The following FAM78A variants were observed in gnomAD, a reference collection of about 807,000 sequenced individuals.
FAM78A encodes protein FAM78A.
In FAM78A, 12 loss-of-function variants were observed where a neutral mutation model predicts 22.6. The ratio of observed to expected loss-of-function variants is 0.53; its 90% CI spans 0.34 to 0.86. FAM78A has a LOEUF of 0.86. FAM78A is among the 40% of genes least tolerant of loss of function. FAM78A has a pLI of 0.02. For missense variants in FAM78A, 322 were observed against 396.1 expected (o/e 0.81, Z 1.59); for synonymous variants, 151 against 155.8 (o/e 0.97, Z 0.23).
Position 131,261,169 on chromosome 9 carries a change from C to A in FAM78A, c.505G>T (p.Ala169Ser), listed in dbSNP as rs1382376936. ...NDNFYPSVTWAVPVSESNVAK... is the reference protein window; with the variant it reads ...NDNFYPSVTWSVPVSESNVAK... ...ACGTTGCTCTCGCTGACGGGCACGG[C>A]CCATGTGACGCTGGGGTAAAAGTTG... is the stretch of plus-strand genomic sequence containing the variant. The change falls in exon 2 of 2, where the codon GCC becomes TCC. Residue 169 changes from alanine to serine, a missense_variant. Ala to Ser is a moderately conservative substitution (Grantham distance 99). Transcript: ENST00000372271. This position sits in a 1 kb window ranked among gnomAD's most constrained non-coding sequence, Gnocchi z 7.1. 8.1e-6 allele frequency: 13 copies of A among 1,613,912 alleles called. No homozygotes were observed. In the Admixed American group the frequency reaches 2.2e-4, roughly 27 times the overall value.
chr9:131,270,020 C>A (rs374250211), intron 1 of FAM78A, among the ~76,000 whole-genome samples: 1 of 144,264 alleles, frequency 6.9e-6, no homozygotes, highest in Admixed American at 7.0e-5. Context: ...CATGGTGAAA[C>A]CCCATCCCTA....
At position 131,270,193 on chromosome 9, in the gene FAM78A, T is replaced by C. The variant is rs915702548; in HGVS notation, c.323+5664A>G. 4.3e-6 allele frequency: 3 copies of C among 698,280 alleles called. No individual in the cohort carries two copies. In the African/African-American group the frequency reaches 5.3e-5, roughly 12 times the overall value. 43.3% of individuals were successfully genotyped at this position (698,280 alleles called of 1,614,324 possible). ...TGCACTCCAGCCTGGGTGACAAGAG[T>C]GAAACTGCATCTCAAAAACAAGTAC... On this transcript the variant is annotated intron_variant, in intron 1 of 1. Coordinates refer to ENST00000372271, the MANE Select transcript of FAM78A (RefSeq NM_033387.4).
In FAM78A at chr9:131,260,896, TGGCATTGGGCTTGACCAG is replaced by T; in HGVS notation, c.760_777del (p.Leu254_Ala259del). 6.4e-7 allele frequency: 1 copy of T among 1,556,388 alleles called. No individual in the cohort carries two copies. The highest frequency in any genetic ancestry group is 8.7e-7 in the Non-Finnish European group (1 of 1,148,458). Reference sequence around the variant, plus strand: ...CGCCACATGAGGACCTGGGCATCGTTGGCATTGGGCTTGACCAGGGCGCTGGGCGGGATGGGCTCATTC... The same window carrying T: ...CGCCACATGAGGACCTGGGCATCGTTGGCGCTGGGCGGGATGGGCTCATTC... On this transcript the variant is annotated inframe_deletion, in exon 2 of 2. Transcript: ENST00000372271. This position sits in a 1 kb window ranked among gnomAD's most constrained non-coding sequence, Gnocchi z 5.4.
At chr9:131,264,563 A>G (rs1188592655) in intron 1 of FAM78A, 2 of 716,402 alleles carry the variant, frequency 2.8e-6, no homozygotes, top group African/African-American at 3.5e-5. Flanking sequence ...TTTTGTGATG[A>G]TTAAATGTAC....
intron 1 of FAM78A, among the ~76,000 whole-genome samples, chr9:131,267,063 T>C (rs765411756): frequency 3.3e-5 from 5 of 152,168 alleles, no homozygotes; most frequent in Non-Finnish European, 5.9e-5. Flanking sequence ...GGGCCGGGGC[T>C]GTGGGGAGCA....
In FAM78A at chr9:131,260,915, G is replaced by A; in HGVS notation, c.759C>T (p.Ala253=). The A allele has an allele frequency of 6.3e-7, 1 of 1,587,900 alleles. No homozygotes were observed. Among genetic ancestry groups the A allele is most frequent in the Non-Finnish European group, 8.6e-7 (1 of 1,163,712 alleles). The stretch of plus-strand genomic sequence containing the variant: ...CATCGTTGGCATTGGGCTTGACCAG[G>A]GCGCTGGGCGGGATGGGCTCATTCT... The part of the protein sequence containing the change: ...LSKNEPIPPS[A]LVKPNANDAQ... The change falls in exon 2 of 2, where the codon GCC becomes GCT. Residue 253 remains alanine (A), a synonymous_variant. Transcript: ENST00000372271. The surrounding 1 kb of genome is among the most constrained non-coding windows in gnomAD (Gnocchi z 5.4).
rs1835433795 is a variant in FAM78A, at chr9:131,272,621, G to C, written c.323+3236C>G. Among the ~76,000 whole-genome samples the C allele has an allele frequency of 6.6e-6, 1 of 152,204 alleles. No homozygotes were observed. The highest frequency in any genetic ancestry group is 1.5e-5 in the Non-Finnish European group (1 of 68,034). Reference sequence around the variant, plus strand: ...AAATGGAAGTCATCACAGGAGGCCTGGGGCAGGGGAGACAGGAAGGGGGTT... The same window carrying C: ...AAATGGAAGTCATCACAGGAGGCCTCGGGCAGGGGAGACAGGAAGGGGGTT... On this transcript the variant is annotated intron_variant, in intron 1 of 1. Transcript: ENST00000372271. The surrounding 1 kb of genome is among the most constrained non-coding windows in gnomAD (Gnocchi z 4.1).
Position 131,274,917 on chromosome 9 carries a change from G to A in FAM78A, c.323+940C>T, listed in dbSNP as rs888425195. On this transcript the variant is annotated intron_variant, in intron 1 of 1. Transcript: ENST00000372271. The surrounding 1 kb of genome is among the most constrained non-coding windows in gnomAD (Gnocchi z 4.2). ...ACGGGGCCGCATGGGTGGGCTGCCC[G>A]CCGGGGCCTGCCTAGCTCTCTCCAA... Among the ~76,000 whole-genome samples, 1 of 152,208 alleles carries A rather than the reference G, an allele frequency of 6.6e-6. No individual in the cohort carries two copies. Among genetic ancestry groups the A allele is most frequent in the Non-Finnish European group, 1.5e-5 (1 of 68,032 alleles).
chr9:131,270,349 T>G (rs2131187199), intron 1 of FAM78A: 1 of 717,544 alleles, frequency 1.4e-6, no homozygotes, highest in African/African-American at 1.7e-5. Context: ...CCCCAAACAC[T>G]GGGCACGACT....
chr9:131,273,202 A>T (rs1835440691), intron 1 of FAM78A, among the ~76,000 whole-genome samples: 1 of 152,198 alleles, frequency 6.6e-6, no homozygotes, highest in African/African-American at 2.4e-5. Flanking sequence ...CTCTCGCTGA[A>T]TCCTCACAGC....
chr9:131,268,707 C>G (rs1028537939), intron 1 of FAM78A, among the ~76,000 whole-genome samples: 1 of 151,654 alleles, frequency 6.6e-6, no homozygotes, highest in Non-Finnish European at 1.5e-5. Flanking sequence ...GAGACAGAGA[C>G]GGGTGAAACC....
rs557316357 is a variant in FAM78A, at chr9:131,261,986, G to T, written c.324-636C>A. 2.0e-3 allele frequency among the ~76,000 whole-genome samples: 302 copies of T among 151,856 alleles called. 2 individuals carry two copies. Among genetic ancestry groups the T allele is most frequent in the Middle Eastern group, 6.8e-3 (2 of 294 alleles). ...TCACACCTGTAATCCCAGCACTTTG[G>T]GAGGCTGAGGCAGGCTGATCACTTG... On this transcript the variant is annotated intron_variant, in intron 1 of 1. Transcript: ENST00000372271. This position sits in a 1 kb window ranked among gnomAD's most constrained non-coding sequence, Gnocchi z 7.1.
At chr9:131,263,966 A>G (rs1835308088) in intron 1 of FAM78A, 1 of 152,364 alleles carries the variant, frequency 6.6e-6, no homozygotes, top group African/African-American at 2.4e-5. Context: ...CAACAGGGTG[A>G]GCCTGCTCAT....
intron 1 of FAM78A, chr9:131,270,500 G>GAGGGCTGCAGAAATCCCTTGGCC: frequency 1.4e-6 from 1 of 716,038 alleles, no homozygotes; most frequent in Non-Finnish European, 2.6e-6. Context: ...GAAGGTGGAT[G>GAGGGCTGCAGAAATCCCTTGGCC]AGGGCTGCAG....
intron 1 of FAM78A, among the ~76,000 whole-genome samples, chr9:131,268,413 G>A (rs1295008263): frequency 6.6e-6 from 1 of 151,992 alleles, no homozygotes; most frequent in Non-Finnish European, 1.5e-5. Context: ...ACCAGCTGAG[G>A]GAGGGGCTGG....
chr9:131,280,269 C>T (rs919560623), upstream of FAM78A, among the ~76,000 whole-genome samples: 3 of 152,120 alleles, frequency 2.0e-5, no homozygotes, highest in Admixed American at 1.3e-4. Flanking sequence ...TTCCCCAGCT[C>T]GCGGCCCCTC....
chr9:131,263,802 TCA>T (rs1020996295), intron 1 of FAM78A: 2 of 152,558 alleles, frequency 1.3e-5, no homozygotes, highest in African/African-American at 2.4e-5. Context: ...AAAAGCTCAC[TCA>T]TTAGAGTAAC....
Position 131,259,061 on chromosome 9 carries a change from C to T in FAM78A, c.*1761G>A, listed in dbSNP as rs945033365. ...GGACTTTGGTTCCCACACCGTCCCA[C>T]GCTGTCACGGAGACTCTTACAAGTG... On this transcript the variant is annotated 3_prime_UTR_variant, in exon 2 of 2. Transcript: ENST00000372271. 1 of 152,694 alleles carries T rather than the reference C, an allele frequency of 6.5e-6. No homozygotes were observed. Among genetic ancestry groups the T allele is most frequent in the Non-Finnish European group, 1.5e-5 (1 of 68,052 alleles). The allele number at this position is 152,694 out of a possible 1,614,324, so 9.5% of individuals were successfully genotyped here. A position where few individuals can be genotyped will look rare whatever the true frequency, so the allele number is the denominator to read the frequency against.
At chr9:131,269,909 T>C (rs1835395360) in intron 1 of FAM78A, among the ~76,000 whole-genome samples, 1 of 151,784 alleles carries the variant, frequency 6.6e-6, no homozygotes, top group African/African-American at 2.4e-5. Flanking sequence ...GCTCTAAAAG[T>C]ACAGGCCGGG....
Sources: allele counts gnomAD v4.1 joint callset (sites outside exome capture counted in the v4.1 genomes callset), GRCh38; gene constraint gnomAD v4.1.1; non-coding constraint Gnocchi (gnomAD v3.1); transcripts MANE v1.5; gene names NCBI Gene and HGNC (gene_info 2026-07-23, HGNC 2026-07-21).